The following CARS1 variants were observed in gnomAD, a reference collection of about 807,000 sequenced individuals.
CARS1 encodes the protein cysteine--tRNA ligase, cytoplasmic.
A neutral mutation model predicts 106.2 loss-of-function variants in CARS1; 48 were observed. The observed-to-expected ratio is 0.45, with a 90% CI of 0.36 to 0.57. The LOEUF (loss-of-function observed/expected upper bound fraction) is 0.57, where lower values mean the gene tolerates loss of function less well. Ranked by LOEUF, CARS1 falls within the 20% of genes least tolerant of loss-of-function variation. The pLI, the probability that CARS1 is intolerant of heterozygous loss-of-function variation, is 0.00. For missense variants in CARS1, 968 were observed against 1,057.2 expected (o/e 0.92, Z 1.17); for synonymous variants, 409 against 403.4 (o/e 1.01, Z -0.17).
At chr11:3,001,878 T>G in intron 22 of CARS1, 92 bp downstream of exon 22, 1 of 1,033,286 alleles carries the variant, frequency 9.7e-7, no homozygotes, top group South Asian at 1.3e-5. Context: ...AGACAGAAAA[T>G]CTGCTTGTCC....
In CARS1 at chr11:3,017,739, C is replaced by T. The variant is rs1226100144; in HGVS notation, c.1727+118G>A. 1.3e-5 allele frequency: 9 copies of T among 690,964 alleles called. No individual in the cohort carries two copies. Among genetic ancestry groups the T allele is most frequent in the East Asian group, 5.3e-5 (2 of 37,866 alleles). 42.8% of individuals were successfully genotyped at this position (690,964 alleles called of 1,614,324 possible). A position where few individuals can be genotyped will look rare whatever the true frequency, so the allele number is the denominator to read the frequency against. On this transcript the variant is annotated intron_variant, in intron 15 of 22. Coordinates refer to ENST00000380525, the MANE Select transcript of CARS1 (RefSeq NM_001014437.3). The surrounding 1 kb of genome is among the most constrained non-coding windows in gnomAD (Gnocchi z 4.9). The stretch of plus-strand genomic sequence containing the variant: ...CCTATCCTGAATTAATTCTGCACAA[C>T]GTACGACAGTGTCCCCAGCCCTTCC...
Position 3,057,342 on chromosome 11 carries a change from C to G in CARS1, c.25+1G>C. On this transcript the variant is annotated splice_donor_variant, in intron 1 of 22. Coordinates refer to ENST00000380525, the MANE Select transcript of CARS1 (RefSeq NM_001014437.3). LOFTEE classifies it high-confidence loss of function. ...CAGCCTGGCCCGGCCGCGCCGCTCA[C>G]CCTGCTGCCCGGAGGAATCTGCCAT... is the stretch of plus-strand genomic sequence containing the variant. 6.2e-7 allele frequency: 1 copy of G among 1,609,918 alleles called. No homozygotes were observed. Among genetic ancestry groups the G allele is most frequent in the Non-Finnish European group, 8.5e-7 (1 of 1,178,590 alleles).
At position 3,003,675 on chromosome 11, in the gene CARS1, G is replaced by A. The variant is rs1435790729; in HGVS notation, c.2218-1075C>T. Among the ~76,000 whole-genome samples the A allele has an allele frequency of 2.0e-5, 3 of 152,160 alleles. No homozygotes were observed. Among genetic ancestry groups the A allele is most frequent in the Admixed American group, 6.5e-5 (1 of 15,286 alleles). On this transcript the variant is annotated intron_variant, in intron 20 of 22. Coordinates refer to ENST00000380525, the MANE Select transcript of CARS1 (RefSeq NM_001014437.3). The surrounding 1 kb of genome is among the most constrained non-coding windows in gnomAD (Gnocchi z 4.8). The stretch of plus-strand genomic sequence containing the variant: ...AGATGGAGGGAGAGCAGGGCTGGCC[G>A]AGGGAAAGGGGCTGAGGTGGGGGAG...
intron 9 of CARS1, 119 bp from the exon 10 acceptor site, chr11:3,026,916 T>C (rs2134183263): frequency 9.1e-7 from 1 of 1,097,082 alleles, no homozygotes; most frequent in Non-Finnish European, 1.3e-6. Flanking sequence ...GCCTATCTAC[T>C]CTCTGTGGTG....
At chr11:3,031,999 C>CTT (rs1565074385) in intron 7 of CARS1, among the ~76,000 whole-genome samples, 45 of 5,572 alleles carry the variant, frequency 8.1e-3, no homozygotes, top group South Asian at 0.012. Context: ...TCCTTCCTTC[C>CTT]CTCCCTCCCT....
chr11:3,005,551 G>T (rs1279194914), intron 19 of CARS1, 118 bp from the exon 20 acceptor site: 3 of 675,782 alleles, frequency 4.4e-6, no homozygotes, highest in Non-Finnish European at 7.7e-6. Flanking sequence ...GTCAGAGCGA[G>T]GGCCCACAGG....
Position 3,001,718 on chromosome 11 carries a change from C to A in CARS1, c.2361+252G>T. Among the ~76,000 whole-genome samples, 1 of 152,208 alleles carries A rather than the reference C, an allele frequency of 6.6e-6. No individual in the cohort carries two copies. The highest frequency in any genetic ancestry group is 1.9e-4 in the East Asian group (1 of 5,178). On this transcript the variant is annotated intron_variant, in intron 22 of 22. Transcript: ENST00000380525. ...TGGATCTTGGCCCGGGGCCACAACT[C>A]CCAGGGCTAGGGACCAGAGCTCACC...
In CARS1 at chr11:3,008,883, G is replaced by T. The variant is rs1850165410; in HGVS notation, c.2069-1924C>A. 6.6e-6 allele frequency: 1 copy of T among 152,186 alleles called. No individual in the cohort carries two copies. The highest frequency in any genetic ancestry group is 2.4e-5 in the African/African-American group (1 of 41,418). 9.4% of individuals were successfully genotyped at this position (152,186 alleles called of 1,614,324 possible). On this transcript the variant is annotated intron_variant, in intron 18 of 22. Coordinates refer to ENST00000380525, the MANE Select transcript of CARS1 (RefSeq NM_001014437.3). The surrounding 1 kb of genome is among the most constrained non-coding windows in gnomAD (Gnocchi z 5.1). ...GGATAGCACCCTCATTAGAAGGAAG[G>T]CAAGCCAGCACCTGTGGTCACTGTC... is the stretch of plus-strand genomic sequence containing the variant.
chr11:3,029,266 C>T lies in CARS1; in HGVS notation c.942+37G>A, dbSNP rs754683840. 209 of 1,606,996 alleles carry T rather than the reference C, an allele frequency of 1.3e-4. No homozygotes were observed. Among genetic ancestry groups the T allele is most frequent in the Non-Finnish European group, 1.7e-4 (195 of 1,174,270 alleles). On this transcript the variant is annotated intron_variant, in intron 8 of 22. Coordinates refer to ENST00000380525, the MANE Select transcript of CARS1 (RefSeq NM_001014437.3). The surrounding 1 kb of genome is among the most constrained non-coding windows in gnomAD (Gnocchi z 5.9). ...GGAATTTAGAAATCAGGGCCCTTAG[C>T]GCAAGAGAGCCAGCACAAGACAATC...
In CARS1 at chr11:3,046,468, T is replaced by C. The variant is rs1202089023; in HGVS notation, c.274+1285A>G. ...GGAGGCTCAGGCAGGAACGGCTACA[T>C]GGGGAAGGACGTGACCTGCACAGCA... On this transcript the variant is annotated intron_variant, in intron 2 of 22. Transcript: ENST00000380525. The surrounding 1 kb of genome is among the most constrained non-coding windows in gnomAD (Gnocchi z 5.8). Among the ~76,000 whole-genome samples, 1 of 152,098 alleles carries C rather than the reference T, an allele frequency of 6.6e-6. No individual in the cohort carries two copies. The highest frequency in any genetic ancestry group is 6.5e-5 in the Admixed American group (1 of 15,272).
At chr11:3,016,771 C>G (rs1040706293) in intron 16 of CARS1, among the ~76,000 whole-genome samples, 5 of 152,076 alleles carry the variant, frequency 3.3e-5, no homozygotes, top group African/African-American at 9.7e-5. Context: ...TGCCACCACA[C>G]CTGGCTAATT....
At chr11:3,014,540 G>A (rs1215120330) in intron 17 of CARS1, among the ~76,000 whole-genome samples, 1 of 152,264 alleles carries the variant, frequency 6.6e-6, no homozygotes, top group Admixed American at 6.5e-5. Flanking sequence ...GAAAAACACT[G>A]CAGTTCAAAG....
intron 18 of CARS1, 85 bp downstream of exon 18, chr11:3,012,110 C>G: frequency 8.0e-7 from 1 of 1,244,554 alleles, no homozygotes; most frequent in East Asian, 2.3e-5. Context: ...GGCCTGAACG[C>G]CATAGTGCCT....
chr11:3,027,828 G>A (rs763110242), intron 9 of CARS1: 8 of 454,702 alleles, frequency 1.8e-5, no homozygotes, highest in Admixed American at 4.7e-5. Context: ...TAGCGGTAGC[G>A]TAAGTGTCAA....
intron 7 of CARS1, chr11:3,031,023 A>C (rs1256279034): frequency 6.6e-6 from 1 of 152,244 alleles, no homozygotes; most frequent in East Asian, 1.9e-4. Flanking sequence ...AGATGAAATG[A>C]TGAGACTCAC....
At chr11:3,016,703 T>A in intron 16 of CARS1, among the ~76,000 whole-genome samples, 1 of 152,000 alleles carries the variant, frequency 6.6e-6, no homozygotes, top group Non-Finnish European at 1.5e-5. Flanking sequence ...CTATTCAACC[T>A]CCTGGGCTCA....
At chr11:3,018,313 A>G in intron 14 of CARS1, 95 bp downstream of exon 14, 3 of 792,084 alleles carry the variant, frequency 3.8e-6, no homozygotes, top group South Asian at 1.6e-5. Flanking sequence ...CATTAGAGAC[A>G]TCGGGAGGCT....
intron 1 of CARS1, chr11:3,055,094 G>A (rs1043716651): frequency 3.2e-6 from 2 of 621,678 alleles, no homozygotes; most frequent in African/African-American, 3.7e-5. Context: ...TCAACTTAGG[G>A]AAGATGGTAC....
At chr11:3,015,614 A>T (rs973267701) in intron 17 of CARS1, among the ~76,000 whole-genome samples, 167 bp downstream of exon 17, 4 of 152,172 alleles carry the variant, frequency 2.6e-5, no homozygotes, top group Non-Finnish European at 5.9e-5. Context: ...AGGGCAGCTG[A>T]CCACACTTAG....
Sources: gnomAD v4.1 joint callset for allele counts (sites outside exome capture counted in the v4.1 genomes callset) on GRCh38, gnomAD v4.1.1 for gene constraint, Gnocchi (gnomAD v3.1) non-coding constraint, MANE v1.5 for transcripts, NCBI Gene and HGNC (gene_info 2026-07-23, HGNC 2026-07-21) for gene names.